The following GABBR2 variants were observed in gnomAD, a reference collection of about 807,000 sequenced individuals.
GABBR2 encodes G-protein coupled receptor 51.
GABBR2 carries 23 observed loss-of-function variants against 105.6 expected under a neutral mutation model. That is an observed-to-expected ratio of 0.22 (90% CI 0.16 to 0.31). The LOEUF (loss-of-function observed/expected upper bound fraction) is 0.31. Ranked by LOEUF, GABBR2 falls within the 10% of genes least tolerant of loss-of-function variation. The pLI is 1.00. For synonymous variants in GABBR2, 478 were observed against 499.7 expected (o/e 0.96, Z 0.58); for missense variants, 734 against 1,245.5 (o/e 0.59, Z 6.18).
chr9:98,541,814 T>C (rs1828308869), intron 3 of GABBR2, 59 bp downstream of exon 3: 4 of 1,534,332 alleles, frequency 2.6e-6, no homozygotes, highest in Admixed American at 3.4e-5. Context: ...CACATTGCCT[T>C]TTGCTAGATG....
At chr9:98,650,957 G>A (rs1050311477) in intron 1 of GABBR2, among the ~76,000 whole-genome samples, 9 of 152,132 alleles carry the variant, frequency 5.9e-5, no homozygotes, top group Admixed American at 3.3e-4. Context: ...CAGAGTTTCC[G>A]TTTGAGATGA....
At chr9:98,491,095 C>T (rs1275854844) in intron 4 of GABBR2, among the ~76,000 whole-genome samples, 11 of 151,926 alleles carry the variant, frequency 7.2e-5, no homozygotes, top group Non-Finnish European at 1.5e-4. Context: ...CTATTTTTAA[C>T]AGGCTTTTCT....
chr9:98,321,810 T>C (rs1270439901), intron 13 of GABBR2, among the ~76,000 whole-genome samples: 4 of 152,192 alleles, frequency 2.6e-5, no homozygotes, highest in African/African-American at 9.7e-5. Context: ...TACTTGGCAC[T>C]AAATGACTGA....
intron 7 of GABBR2, among the ~76,000 whole-genome samples, chr9:98,410,511 T>G (rs1238368454): frequency 6.6e-6 from 1 of 150,816 alleles, no homozygotes; most frequent in East Asian, 1.9e-4. Flanking sequence ...AAAGCTTTTT[T>G]TTTTTTTTTT....
intron 3 of GABBR2, among the ~76,000 whole-genome samples, chr9:98,523,535 G>C (rs1827905225): frequency 6.6e-6 from 1 of 152,232 alleles, no homozygotes; most frequent in Non-Finnish European, 1.5e-5. Context: ...GACCATTTGG[G>C]AGTAGAGCTC....
At chr9:98,658,765 C>T (rs1460860579) in intron 1 of GABBR2, among the ~76,000 whole-genome samples, 1 of 152,116 alleles carries the variant, frequency 6.6e-6, no homozygotes, top group Non-Finnish European at 1.5e-5. Context: ...ATGAATGTCC[C>T]GTGGTAATAG....
intron 7 of GABBR2, among the ~76,000 whole-genome samples, chr9:98,434,891 A>T (rs1350128700): frequency 6.6e-6 from 1 of 152,162 alleles, no homozygotes; most frequent in Non-Finnish European, 1.5e-5. Context: ...GACTAGGGGA[A>T]TTGTGGGGAG....
intron 1 of GABBR2, among the ~76,000 whole-genome samples, chr9:98,603,235 C>T (rs149449096): frequency 6.6e-6 from 1 of 152,294 alleles, no homozygotes; most frequent in African/African-American, 2.4e-5. Flanking sequence ...AAACAAGATC[C>T]CCAAAGGCTG....
intron 5 of GABBR2, among the ~76,000 whole-genome samples, chr9:98,479,711 C>T (rs539611947): frequency 6.6e-6 from 1 of 152,322 alleles, no homozygotes; most frequent in South Asian, 2.1e-4. Context: ...GGTGGGGTCT[C>T]TCCAGCAAAG....
At chr9:98,310,550 A>ATCTT (rs1355566499) in intron 14 of GABBR2, among the ~76,000 whole-genome samples, 1 of 152,104 alleles carries the variant, frequency 6.6e-6, no homozygotes, top group Non-Finnish European at 1.5e-5. Context: ...ACCTAGCATG[A>ATCTT]TCTTTGATTT....
chr9:98,484,838 C>T (rs950366583), intron 4 of GABBR2, among the ~76,000 whole-genome samples: 6 of 152,188 alleles, frequency 3.9e-5, no homozygotes. Context: ...TTCAATGTTG[C>T]ATAGCTTGTA....
chr9:98,432,175 C>G (rs185635605), intron 7 of GABBR2, among the ~76,000 whole-genome samples: 1 of 152,138 alleles, frequency 6.6e-6, no homozygotes, highest in African/African-American at 2.4e-5. Context: ...GGATTATAGG[C>G]GTGAGTCACT....
At chr9:98,435,534 C>G (rs975178211) in intron 7 of GABBR2, among the ~76,000 whole-genome samples, 1 of 152,154 alleles carries the variant, frequency 6.6e-6, no homozygotes, top group Admixed American at 6.6e-5. Flanking sequence ...CTGACCTGCT[C>G]TCCCCACCAC....
intron 1 of GABBR2, among the ~76,000 whole-genome samples, chr9:98,671,271 C>T (rs1386573703): frequency 6.6e-6 from 1 of 152,156 alleles, no homozygotes; most frequent in African/African-American, 2.4e-5. Context: ...ATGTGACTGG[C>T]TTCCTCTTTC....
chr9:98,496,585 C>T (rs748371478), intron 3 of GABBR2, 71 bp from the exon 4 acceptor site: 18 of 1,012,950 alleles, frequency 1.8e-5, no homozygotes, highest in Non-Finnish European at 2.7e-5. Flanking sequence ...GAGGGGTCAC[C>T]CTGGGGAAGT....
intron 1 of GABBR2, among the ~76,000 whole-genome samples, chr9:98,660,508 A>G (rs1168437446): frequency 2.0e-5 from 3 of 152,218 alleles, no homozygotes; most frequent in Non-Finnish European, 4.4e-5. Context: ...TTATTGGCCA[A>G]TTGTATATAT....
At chr9:98,484,159 G>A (rs1411186557) in intron 4 of GABBR2, among the ~76,000 whole-genome samples, 1 of 152,102 alleles carries the variant, frequency 6.6e-6, no homozygotes, top group Non-Finnish European at 1.5e-5. Context: ...CTGACCTCCT[G>A]ACCACCTGCT....
chr9:98,296,777 T>C lies in GABBR2; in HGVS notation c.2542+2447A>G, dbSNP rs1168910971. Among the ~76,000 whole-genome samples the C allele has an allele frequency of 1.3e-5, 2 of 152,200 alleles. 1 individual carries two copies. Among genetic ancestry groups the C allele is most frequent in the Admixed American group, 1.3e-4 (2 of 15,288 alleles). On this transcript the variant is annotated intron_variant, in intron 17 of 18. Transcript: ENST00000259455. ...TACATACTTTTTGTATTGTTACACA[T>C]CATTTCTCCTTATATATAAGGGCAT... is the stretch of plus-strand genomic sequence containing the variant.
intron 3 of GABBR2, among the ~76,000 whole-genome samples, chr9:98,519,197 A>G (rs908412429): frequency 6.6e-5 from 10 of 152,220 alleles, no homozygotes; most frequent in Middle Eastern, 3.2e-3. Context: ...AGATTTTGGC[A>G]TAATGGCCTG....
Sources: gnomAD v4.1 joint callset for allele counts (sites outside exome capture counted in the v4.1 genomes callset) on GRCh38, gnomAD v4.1.1 for gene constraint, MANE v1.5 for transcripts, NCBI Gene and HGNC (gene_info 2026-07-23, HGNC 2026-07-21) for gene names.